The following PNPLA4 variants were observed in gnomAD, a reference collection of about 807,000 sequenced individuals.
PNPLA4 encodes the protein patatin-like phospholipase domain-containing protein 4.
A neutral mutation model predicts 18.3 loss-of-function variants in PNPLA4; 15 were observed. The observed-to-expected ratio is 0.82, with a 90% CI of 0.55 to 1.26. The LOEUF is 1.26. PNPLA4 is among the 50% of genes most tolerant of loss of function. The probability of loss-of-function intolerance (pLI) is 0.00; values close to 1 mark genes in which losing one functional copy is unlikely to be tolerated. For synonymous variants in PNPLA4, 88 were observed against 85.6 expected (o/e 1.03, Z -0.16); for missense variants, 229 against 196.8 (o/e 1.16, Z -0.98).
intron 5 of PNPLA4, among the ~76,000 whole-genome samples, chrX:7,910,601 A>G (rs1217710310): frequency 9.1e-6 from 1 of 110,458 alleles, no homozygotes; most frequent in Non-Finnish European, 1.9e-5. Context: ...TATAAAATAT[A>G]TATCTCTGAT....
At chrX:7,901,575 A>G (rs1286996932) in intron 6 of PNPLA4, among the ~76,000 whole-genome samples, 1 of 111,659 alleles carries the variant, frequency 9.0e-6, no homozygotes, top group Non-Finnish European at 1.9e-5. Context: ...GGACAGAGCA[A>G]CACCCTCTCT....
chrX:7,919,550 T>A (rs1272822362), intron 4 of PNPLA4, among the ~76,000 whole-genome samples: 1 of 112,522 alleles, frequency 8.9e-6, no homozygotes, highest in African/African-American at 3.2e-5. Context: ...GGTGTCCACT[T>A]TTCAAGATTC....
intron 4 of PNPLA4, among the ~76,000 whole-genome samples, chrX:7,913,540 C>A (rs1923942912): frequency 8.9e-6 from 1 of 112,277 alleles, no homozygotes; most frequent in South Asian, 3.7e-4. Flanking sequence ...CAGCACAACA[C>A]AAGGACTCCA....
intron 6 of PNPLA4, among the ~76,000 whole-genome samples, chrX:7,901,431 T>A (rs907126314): frequency 5.4e-4 from 59 of 110,223 alleles, no homozygotes; most frequent in Non-Finnish European, 9.9e-4. Flanking sequence ...ATAATTTTTT[T>A]AAAAAAGTAG....
At chrX:7,909,055 A>G (rs1199624322) in intron 5 of PNPLA4, among the ~76,000 whole-genome samples, 1 of 112,074 alleles carries the variant, frequency 8.9e-6, no homozygotes, top group African/African-American at 3.2e-5. Flanking sequence ...CAAGGAACGC[A>G]TTGTTTGAAA....
chrX:7,922,090 G>T lies in PNPLA4; in HGVS notation c.189C>A (p.Asn63Lys), dbSNP rs1191003014. 8.4e-7 allele frequency: 1 copy of T among 1,186,729 alleles called. No individual in the cohort carries two copies. The highest frequency in any genetic ancestry group is 2.2e-5 in the Admixed American group (1 of 45,776). Residue 63 changes from asparagine to lysine, a missense_variant, in exon 3 of 7, where the codon AAC becomes AAA. Asn to Lys is a moderately conservative substitution (Grantham distance 94). Transcript: ENST00000381042. Reference protein sequence around the residue: ...LTAPEKIEECNQFTYKFAEEI... With the variant: ...LTAPEKIEECKQFTYKFAEEI... ...CTTCGGCAAACTTGTAGGTAAATTGGTTACATTCCTAAAAAAAGAAAATTA... is the reference window on the plus strand; with the variant it reads ...CTTCGGCAAACTTGTAGGTAAATTGTTTACATTCCTAAAAAAAGAAAATTA...
At chrX:7,911,343 C>G (rs1414602315) in intron 5 of PNPLA4, among the ~76,000 whole-genome samples, 1 of 111,733 alleles carries the variant, frequency 8.9e-6, no homozygotes, top group Non-Finnish European at 1.9e-5. Flanking sequence ...CATGTTGAAC[C>G]TGTGTCCATG....
In PNPLA4 at chrX:7,900,590, A is replaced by G; in HGVS notation, c.*96T>C. On this transcript the variant is annotated 3_prime_UTR_variant, in exon 7 of 7. Coordinates refer to ENST00000381042, the MANE Select transcript of PNPLA4 (RefSeq NM_004650.3). Reference sequence around the variant, plus strand: ...ACACAAATATTACAAGGAGTAATACAATTGAGTCATGATAGATTTTCTAAA... The same window carrying G: ...ACACAAATATTACAAGGAGTAATACGATTGAGTCATGATAGATTTTCTAAA... The G allele has an allele frequency of 1.7e-6, 1 of 571,492 alleles. No individual in the cohort carries two copies. Among genetic ancestry groups the G allele is most frequent in the African/African-American group, 2.3e-5 (1 of 43,516 alleles). 47.1% of individuals were successfully genotyped at this position (571,492 alleles called of 1,213,427 possible).
rs202023253 is a variant in PNPLA4, at chrX:7,915,318, G to A, written c.412-3225C>T. On this transcript the variant is annotated intron_variant, in intron 4 of 6. Transcript: ENST00000381042. ...CCTGGGGTGGAGGGTGGGGGGGGGG[G>A]TGTGTCCTGCTAGCATCTACTGAAC... is the stretch of plus-strand genomic sequence containing the variant. 2.6e-3 allele frequency among the ~76,000 whole-genome samples: 143 copies of A among 54,467 alleles called. 2 individuals are homozygous for A. In the East Asian group the frequency reaches 0.044, roughly 17 times the overall value. The allele number at this position is 54,467 out of a possible 115,157, so 47.3% of individuals were successfully genotyped here. A position where few individuals can be genotyped will look rare whatever the true frequency, so the allele number is the denominator to read the frequency against.
At chrX:7,922,125 C>T in intron 2 of PNPLA4, 27 bp from the exon 3 acceptor site, 1 of 1,023,959 alleles carries the variant, frequency 9.8e-7, no homozygotes, top group African/African-American at 1.9e-5. Flanking sequence ...AAGAAGTGAC[C>T]CTAGGTGTTG....
intron 5 of PNPLA4, among the ~76,000 whole-genome samples, chrX:7,904,605 G>A (rs905094627): frequency 8.9e-6 from 1 of 112,134 alleles, no homozygotes; most frequent in Non-Finnish European, 1.9e-5. Flanking sequence ...GGAAACAACC[G>A]TCACAACAAC....
intron 4 of PNPLA4, among the ~76,000 whole-genome samples, chrX:7,921,386 G>A (rs1447753471): frequency 8.9e-6 from 1 of 112,269 alleles, no homozygotes; most frequent in Non-Finnish European, 1.9e-5. Context: ...ACACTCCAAA[G>A]TATTAGCCAC....
chrX:7,907,029 T>C (rs943364322), intron 5 of PNPLA4, among the ~76,000 whole-genome samples: 7 of 111,539 alleles, frequency 6.3e-5, no homozygotes, highest in Non-Finnish European at 1.3e-4. Flanking sequence ...CTTTTCTTTT[T>C]TTTTTCAGAC....
Position 7,921,131 on chromosome X carries a change from A to G in PNPLA4, c.411+582T>C, listed in dbSNP as rs145991763. Among the ~76,000 whole-genome samples the G allele has an allele frequency of 7.1e-4, 79 of 111,359 alleles. 1 individual carries two copies. The East Asian group carries it at 0.022, about 30-fold the overall frequency. On this transcript the variant is annotated intron_variant, in intron 4 of 6. Transcript: ENST00000381042. Reference sequence around the variant, plus strand: ...CTAAAAATACAAAAATTAGGTGGACATGGTGGTACGTGCCTGTAATCCTAG... The same window carrying G: ...CTAAAAATACAAAAATTAGGTGGACGTGGTGGTACGTGCCTGTAATCCTAG...
chrX:7,908,843 G>A (rs1168096881), intron 5 of PNPLA4, among the ~76,000 whole-genome samples: 8 of 111,834 alleles, frequency 7.2e-5, no homozygotes, highest in Non-Finnish European at 1.1e-4. Context: ...TGGGTGGGTC[G>A]CTTTCCATCT....
chrX:7,923,600 T>G (rs1001183078), intron 2 of PNPLA4, among the ~76,000 whole-genome samples: 1 of 111,867 alleles, frequency 8.9e-6, no homozygotes, highest in Non-Finnish European at 1.9e-5. Context: ...ACCTCATGGG[T>G]TGCCAAAGGT....
intron 5 of PNPLA4, among the ~76,000 whole-genome samples, chrX:7,903,846 ATATAT>A (rs766940699): frequency 9.0e-6 from 1 of 111,723 alleles, no homozygotes; most frequent in African/African-American, 3.3e-5. Context: ...AAAGATTATG[ATATAT>A]TATGTGTTAT....
At chrX:7,903,656 G>A (rs1399782423) in intron 5 of PNPLA4, among the ~76,000 whole-genome samples, 2 of 110,989 alleles carry the variant, frequency 1.8e-5, no homozygotes, top group Non-Finnish European at 3.8e-5. Flanking sequence ...TATTTACAAA[G>A]GCTCTGGACA....
chrX:7,927,430 G>C (rs1924472866), upstream of PNPLA4: 1 of 113,456 alleles, frequency 8.8e-6, no homozygotes, highest in Non-Finnish European at 1.9e-5. Flanking sequence ...GCAGGGGTTG[G>C]TACCGCCTCC....
Sources: gnomAD v4.1 joint callset for allele counts (sites outside exome capture counted in the v4.1 genomes callset) on GRCh38, gnomAD v4.1.1 for gene constraint, MANE v1.5 for transcripts, NCBI Gene and HGNC (gene_info 2026-07-23, HGNC 2026-07-21) for gene names.